NOVA1: variants seen among roughly 807,000 people sequenced by gnomAD.
NOVA1 encodes the protein NOVA alternative splicing regulator 1, also known as RNA-binding protein Nova-1.
Under a neutral mutation model 38.0 loss-of-function variants are expected in NOVA1, and 7 were observed. That is an observed-to-expected ratio of 0.18 (90% confidence interval 0.10 to 0.35). NOVA1 has a LOEUF of 0.35. NOVA1 is among the 10% of genes least tolerant of loss of function. The pLI is 1.00. For synonymous variants in NOVA1, 270 were observed against 232.5 expected, an observed-to-expected ratio of 1.16 and a Z score of -1.47; for missense variants, 460 against 616.0, an observed-to-expected ratio of 0.75 and a Z score of 2.68.
At chr14:26,528,462 G>A (rs1321959266) in intron 2 of NOVA1, among the ~76,000 whole-genome samples, 1 of 152,156 alleles carries the variant, frequency 6.6e-6, no homozygotes, top group East Asian at 1.9e-4. Context: ...AAGGTAGAGG[G>A]TGGATTAGAA....
intron 2 of NOVA1, among the ~76,000 whole-genome samples, chr14:26,584,988 C>CA (rs1017287484): frequency 6.6e-6 from 1 of 151,276 alleles, no homozygotes; most frequent in Non-Finnish European, 1.5e-5. Flanking sequence ...GGGAAACAGA[C>CA]AAGAAACACT....
intron 2 of NOVA1, among the ~76,000 whole-genome samples, chr14:26,510,512 T>C (rs1010501488): frequency 6.6e-6 from 1 of 152,160 alleles, no homozygotes; most frequent in Non-Finnish European, 1.5e-5. Flanking sequence ...CAAGGATACA[T>C]ACTCTCTTTT....
intron 4 of NOVA1, among the ~76,000 whole-genome samples, chr14:26,457,849 G>C (rs1883308927): frequency 6.6e-6 from 1 of 152,130 alleles, no homozygotes; most frequent in Non-Finnish European, 1.5e-5. Context: ...ACAAGATGTG[G>C]ACAGGGAAGA....
chr14:26,456,593 G>A (rs1883195908), intron 4 of NOVA1, among the ~76,000 whole-genome samples: 1 of 151,908 alleles, frequency 6.6e-6, no homozygotes, highest in South Asian at 2.1e-4. Context: ...AATCAGGGAG[G>A]GGGTAAACTA....
At chr14:26,464,041 C>A (rs775167432) in intron 4 of NOVA1, among the ~76,000 whole-genome samples, 1 of 152,110 alleles carries the variant, frequency 6.6e-6, no homozygotes, top group Admixed American at 6.6e-5. Flanking sequence ...AAAAATGTGG[C>A]CTCACACATT....
intron 2 of NOVA1, among the ~76,000 whole-genome samples, chr14:26,511,573 G>GA (rs1434559887): frequency 6.6e-6 from 1 of 151,992 alleles, no homozygotes; most frequent in African/African-American, 2.4e-5. Flanking sequence ...CCAACATGGT[G>GA]AAACCCTGTC....
chr14:26,536,360 G>A lies in NOVA1; in HGVS notation c.281-56217C>T, dbSNP rs564707622. ...TATATTTTAAAATAACTTTAAAAAT[G>A]TAATTGTATTATTTGTAACACAAAG... On this transcript the variant is annotated intron_variant, in intron 2 of 4. Transcript: ENST00000539517. 1.6e-4 allele frequency among the ~76,000 whole-genome samples: 25 copies of A among 152,022 alleles called. 1 individual carries two copies. The Middle Eastern group carries it at 0.01, about 62-fold the overall frequency.
At chr14:26,556,342 C>G (rs182746909) in intron 2 of NOVA1, among the ~76,000 whole-genome samples, 1 of 152,000 alleles carries the variant, frequency 6.6e-6, no homozygotes, top group African/African-American at 2.4e-5. Context: ...AGAAACAAAC[C>G]CACATCAACA....
At chr14:26,541,723 T>C (rs1890477138) in intron 2 of NOVA1, among the ~76,000 whole-genome samples, 1 of 151,540 alleles carries the variant, frequency 6.6e-6, no homozygotes, top group Non-Finnish European at 1.5e-5. Context: ...ATTTTACTGA[T>C]GTTGTAAATA....
rs1015022630 is a variant in NOVA1 at position 26,443,218 on chromosome 14, T to C, written c.*4741A>G. On this transcript the variant is annotated 3_prime_UTR_variant, in exon 5 of 5. Coordinates refer to ENST00000539517, the MANE Select transcript of NOVA1 (RefSeq NM_002515.3). ...CAGTTTTTGCTTGTTTATATATCTA[T>C]GGTAACCCAAGTATTGGCTTCTGTA... 3 of 152,066 alleles carry C rather than the reference T, an allele frequency of 2.0e-5. No homozygotes were observed. The highest frequency in any genetic ancestry group is 4.4e-5 in the Non-Finnish European group (3 of 67,922). The allele number at this position is 152,066 out of a possible 1,614,324, so 9.4% of individuals were successfully genotyped here.
intron 2 of NOVA1, among the ~76,000 whole-genome samples, chr14:26,532,130 G>C (rs1238083842): frequency 6.6e-6 from 1 of 152,058 alleles, no homozygotes; most frequent in African/African-American, 2.4e-5. Flanking sequence ...AACCCCTCCT[G>C]GTGGTTTTTC....
intron 4 of NOVA1, chr14:26,472,096 T>A: frequency 4.4e-6 from 2 of 455,938 alleles, no homozygotes; most frequent in Non-Finnish European, 3.9e-6. Flanking sequence ...TAATAAAAAA[T>A]TAGAGTAGTT....
In NOVA1 at chr14:26,572,758, G is replaced by GTGTGTGTGTGTGTGTGTGTGTGTGTGTA. The variant is rs1566548665; in HGVS notation, c.280+22651_280+22652insTACACACACACACACACACACACACACA. On this transcript the variant is annotated intron_variant, in intron 2 of 4. Transcript: ENST00000539517. ...TGTGTGTGTGTGTGTGTGTGTGTGT[G>GTGTGTGTGTGTGTGTGTGTGTGTGTGTA]TGTGTGTATGTGTGTCTGTACGTTT... Among the ~76,000 whole-genome samples, 3 of 148,598 alleles carry GTGTGTGTGTGTGTGTGTGTGTGTGTGTA rather than the reference G, an allele frequency of 2.0e-5. No individual in the cohort carries two copies. The South Asian group carries it at 6.4e-4, about 32-fold the overall frequency.
intron 2 of NOVA1, among the ~76,000 whole-genome samples, chr14:26,501,292 A>G (rs1219369642): frequency 6.6e-6 from 1 of 152,008 alleles, no homozygotes; most frequent in African/African-American, 2.4e-5. Context: ...TTCTTAGTTT[A>G]CTAGTACATC....
At chr14:26,501,158 T>C (rs1379486843) in intron 2 of NOVA1, among the ~76,000 whole-genome samples, 1 of 152,030 alleles carries the variant, frequency 6.6e-6, no homozygotes, top group Non-Finnish European at 1.5e-5. Flanking sequence ...TTTACGAAGG[T>C]AGCAATTCAG....
intron 2 of NOVA1, among the ~76,000 whole-genome samples, chr14:26,532,522 G>C (rs1889791163): frequency 6.6e-6 from 1 of 152,154 alleles, no homozygotes; most frequent in Admixed American, 6.5e-5. Context: ...ATGGCAGGAG[G>C]GGGTTAAGGA....
chr14:26,528,430 C>T (rs943060310), intron 2 of NOVA1, among the ~76,000 whole-genome samples: 1 of 152,056 alleles, frequency 6.6e-6, no homozygotes, highest in Non-Finnish European at 1.5e-5. Flanking sequence ...GTAGGGCCAA[C>T]TCCAGGCCAT....
At chr14:26,453,197 TATGTATGTATG>T (rs1566431806) in intron 4 of NOVA1, among the ~76,000 whole-genome samples, 7,096 of 80,396 alleles carry the variant, frequency 0.088, 574 homozygotes, top group African/African-American at 0.23. Flanking sequence ...TGTATGTATG[TATGTATGTATG>T]TATTTATTTA....
chr14:26,490,950 C>T (rs1032376298), intron 2 of NOVA1, among the ~76,000 whole-genome samples: 1 of 151,198 alleles, frequency 6.6e-6, no homozygotes, highest in East Asian at 2.0e-4. Context: ...CCTGGGTTCC[C>T]GCCATTCTCC....
Sources: allele counts gnomAD v4.1 joint callset (sites outside exome capture counted in the v4.1 genomes callset), GRCh38; gene constraint gnomAD v4.1.1; transcripts MANE v1.5; gene names NCBI Gene and HGNC (gene_info 2026-07-23, HGNC 2026-07-21).